The following SYT16 variants were observed in gnomAD, a reference collection of about 807,000 sequenced individuals.
SYT16 encodes the protein synaptotagmin-16.
Under a neutral mutation model 61.4 loss-of-function variants are expected in SYT16, and 42 were observed. That is an observed-to-expected ratio of 0.68 (90% CI 0.53 to 0.89). The LOEUF (loss-of-function observed/expected upper bound fraction) is 0.89. Ranked by LOEUF, SYT16 falls within the 40% of genes least tolerant of loss-of-function variation. The pLI is 0.00. For missense variants in SYT16, 804 were observed against 807.3 expected (o/e 1.00, Z 0.05); for synonymous variants, 314 against 302.3 (o/e 1.04, Z -0.40).
chr14:62,022,773 T>C (rs1017720702), intron 3 of SYT16, among the ~76,000 whole-genome samples: 4 of 152,160 alleles, frequency 2.6e-5, no homozygotes, highest in Admixed American at 6.5e-5. Flanking sequence ...GGTTCATCAA[T>C]TGGATTATTT....
At chr14:61,813,636 C>T (rs1394303768) in intron 1 of SYT16, among the ~76,000 whole-genome samples, 1 of 152,008 alleles carries the variant, frequency 6.6e-6, no homozygotes, top group Non-Finnish European at 1.5e-5. Context: ...TGTGCTGGCT[C>T]AGGCCTGTAA....
rs2052778323 is a variant in SYT16, at chr14:61,996,527, A to G, written c.508A>G (p.Asn170Asp). 6.3e-7 allele frequency: 1 copy of G among 1,598,662 alleles called. No homozygotes were observed. Among genetic ancestry groups the G allele is most frequent in the Non-Finnish European group, 8.5e-7 (1 of 1,171,838 alleles). Residue 170 changes from asparagine to aspartate, a missense_variant, in exon 3 of 8, where the codon AAT (asparagine) becomes GAT (aspartate). Asn to Asp is a conservative substitution (Grantham distance 23). Transcript: ENST00000683842. ...SQLPGTLETV[N>D]GKKQVNSFGD... ...GCTCCCTGGTACTTTAGAAACTGTT[A>G]ATGGAAAAAAGCAAGGTAAGCTAGC...
At chr14:61,947,267 CGTGTGTGTGTGTGTGTGTGTGTGT>C (rs59798244) in intron 1 of SYT16, among the ~76,000 whole-genome samples, 1 of 125,844 alleles carries the variant, frequency 7.9e-6, no homozygotes, top group African/African-American at 2.9e-5. Context: ...TTTAGTCCTT[CGTGTGTGTGTGTGTGTGTGTGTGT>C]GTGTGTGTGT....
intron 3 of SYT16, among the ~76,000 whole-genome samples, chr14:62,009,389 C>T (rs1429531714): frequency 5.9e-5 from 9 of 152,108 alleles, no homozygotes; most frequent in Non-Finnish European, 1.5e-5. Flanking sequence ...TTAAAGTCAA[C>T]CAAGTTTACA....
At chr14:62,093,963 G>A (rs538701617) in intron 7 of SYT16, among the ~76,000 whole-genome samples, 1 of 152,174 alleles carries the variant, frequency 6.6e-6, no homozygotes, top group African/African-American at 2.4e-5. Flanking sequence ...CAGACATACA[G>A]GCACTCCCCG....
rs2057522916 is a variant in SYT16, at chr14:62,106,827, G to C, written c.*6120G>C. The C allele has an allele frequency of 6.6e-6, 1 of 152,144 alleles. No individual in the cohort carries two copies. Among genetic ancestry groups the C allele is most frequent in the Admixed American group, 6.5e-5 (1 of 15,276 alleles). 9.4% of individuals were successfully genotyped at this position (152,144 alleles called of 1,614,324 possible). A position where few individuals can be genotyped will look rare whatever the true frequency, so the allele number is the denominator to read the frequency against. On this transcript the variant is annotated 3_prime_UTR_variant, in exon 8 of 8. Coordinates refer to ENST00000683842, the MANE Select transcript of SYT16 (RefSeq NM_001367656.1). Reference sequence around the variant, plus strand: ...CTTATTTATATCCACTGTGGAACCTGTGAAACAGCTCGAGGCTTTACAGAA... The same window carrying C: ...CTTATTTATATCCACTGTGGAACCTCTGAAACAGCTCGAGGCTTTACAGAA...
chr14:62,015,467 A>C (rs2053632787), intron 3 of SYT16, among the ~76,000 whole-genome samples: 1 of 55,718 alleles, frequency 1.8e-5, no homozygotes, highest in Non-Finnish European at 3.4e-5. Flanking sequence ...TTGCCTTATG[A>C]AGACATTTGC....
At chr14:61,847,829 C>G (rs1455930206) in intron 1 of SYT16, among the ~76,000 whole-genome samples, 2 of 152,120 alleles carry the variant, frequency 1.3e-5, no homozygotes, top group African/African-American at 4.8e-5. Flanking sequence ...TTGATTAATT[C>G]TGCTGTTAAG....
At chr14:62,039,834 T>TACACACACACACACACACACAC (rs71449576) in intron 3 of SYT16, among the ~76,000 whole-genome samples, 1 of 124,344 alleles carries the variant, frequency 8.0e-6, no homozygotes, top group African/African-American at 2.8e-5. Context: ...GGCTTAAGCA[T>TACACACACACACACACACACAC]ACACACACAC....
intron 1 of SYT16, among the ~76,000 whole-genome samples, chr14:61,838,131 A>G (rs545275077): frequency 2.6e-4 from 40 of 152,348 alleles, no homozygotes; most frequent in African/African-American, 8.4e-4. Context: ...TGGAGTGAGC[A>G]TTATGTAGTA....
intron 1 of SYT16, among the ~76,000 whole-genome samples, chr14:61,862,786 T>C (rs1226720519): frequency 6.6e-6 from 1 of 152,224 alleles, no homozygotes; most frequent in Non-Finnish European, 1.5e-5. Context: ...CTTCTACCCT[T>C]TCTAACCCCT....
chr14:62,054,848 A>G (rs1289722819), intron 3 of SYT16, among the ~76,000 whole-genome samples: 2 of 152,340 alleles, frequency 1.3e-5, no homozygotes, highest in African/African-American at 4.8e-5. Flanking sequence ...GATTTACAGC[A>G]TGGGATAGGA....
At chr14:62,096,801 A>G (rs2057289570) in intron 7 of SYT16, among the ~76,000 whole-genome samples, 1 of 152,212 alleles carries the variant, frequency 6.6e-6, no homozygotes, top group South Asian at 2.1e-4. Context: ...TTCAGTTGCA[A>G]TGTTTTATTT....
chr14:61,977,700 AT>A (rs542515500), intron 2 of SYT16, among the ~76,000 whole-genome samples: 1 of 151,946 alleles, frequency 6.6e-6, no homozygotes, highest in Non-Finnish European at 1.5e-5. Context: ...TTATCACCCC[AT>A]TTTTTTGCCC....
intron 3 of SYT16, among the ~76,000 whole-genome samples, chr14:62,066,871 G>C (rs568471203): frequency 1.3e-5 from 2 of 152,324 alleles, no homozygotes; most frequent in Admixed American, 6.5e-5. Context: ...CTTGCAGTTA[G>C]ATAGGTAATG....
At position 62,112,340 on chromosome 14, in the gene SYT16, A is replaced by C. The variant is rs906091201; in HGVS notation, c.*11633A>C. ...AAAGCATATTTTATGCAGTCTAAAC[A>C]CTATTTCTGTATTAGATATTTAAAT... is the stretch of plus-strand genomic sequence containing the variant. On this transcript the variant is annotated 3_prime_UTR_variant, in exon 8 of 8. Coordinates refer to ENST00000683842, the MANE Select transcript of SYT16 (RefSeq NM_001367656.1). 2 of 152,188 alleles carry C rather than the reference A, an allele frequency of 1.3e-5. No individual in the cohort carries two copies. The highest frequency in any genetic ancestry group is 4.8e-5 in the African/African-American group (2 of 41,448). The allele number at this position is 152,188 out of a possible 1,614,324, so 9.4% of individuals were successfully genotyped here. A position where few individuals can be genotyped will look rare whatever the true frequency, so the allele number is the denominator to read the frequency against.
At chr14:62,005,929 A>C (rs1156532693) in intron 3 of SYT16, among the ~76,000 whole-genome samples, 2 of 152,126 alleles carry the variant, frequency 1.3e-5, no homozygotes, top group African/African-American at 4.8e-5. Context: ...CCATGGGCTT[A>C]GAATGAGGCA....
At chr14:61,815,977 A>G (rs2045415117) in intron 1 of SYT16, among the ~76,000 whole-genome samples, 1 of 152,154 alleles carries the variant, frequency 6.6e-6, no homozygotes, top group South Asian at 2.1e-4. Flanking sequence ...TGTTTAGGTA[A>G]TGTTGGAAAC....
At chr14:61,946,509 A>G (rs1233556048) in intron 1 of SYT16, among the ~76,000 whole-genome samples, 1 of 152,192 alleles carries the variant, frequency 6.6e-6, no homozygotes, top group African/African-American at 2.4e-5. Context: ...TCATGACACA[A>G]TATATGCATC....
Sources: gnomAD v4.1 joint callset for allele counts (sites outside exome capture counted in the v4.1 genomes callset) on GRCh38, gnomAD v4.1.1 for gene constraint, MANE v1.5 for transcripts, NCBI Gene and HGNC (gene_info 2026-07-23, HGNC 2026-07-21) for gene names.